ZBTB20: variants seen among roughly 807,000 people sequenced by gnomAD.
ZBTB20 encodes the protein zinc finger and BTB domain containing 20.
ZBTB20 carries 9 observed loss-of-function variants against 56.9 expected under a neutral mutation model. The observed-to-expected ratio is 0.16, with a 90% CI of 0.10 to 0.28. The LOEUF (loss-of-function observed/expected upper bound fraction) is 0.28, where lower values mean the gene tolerates loss of function less well. Ranked by LOEUF, ZBTB20 falls within the 10% of genes least tolerant of loss-of-function variation. The pLI is 1.00. For synonymous variants in ZBTB20, 417 were observed against 420.7 expected, an observed-to-expected ratio of 0.99 and a Z score of 0.11; for missense variants, 655 against 1,003.0, an observed-to-expected ratio of 0.65 and a Z score of 4.69.
chr3:114,757,608 C>T (rs1469867565), intron 5 of ZBTB20, among the ~76,000 whole-genome samples: 1 of 152,092 alleles, frequency 6.6e-6, no homozygotes, highest in African/African-American at 2.4e-5. Flanking sequence ...TTTAAGGAGG[C>T]TGCCTCTTGA....
chr3:115,044,549 A>C (rs2081267850), intron 2 of ZBTB20, among the ~76,000 whole-genome samples: 1 of 152,244 alleles, frequency 6.6e-6, no homozygotes, highest in Admixed American at 6.5e-5. Flanking sequence ...ACTACTTATT[A>C]AAATTTTGCA....
At chr3:114,866,223 T>G (rs1263369942) in intron 4 of ZBTB20, among the ~76,000 whole-genome samples, 1 of 152,220 alleles carries the variant, frequency 6.6e-6, no homozygotes, top group Non-Finnish European at 1.5e-5. Flanking sequence ...TTATTCCATT[T>G]AATTATCATA....
intron 2 of ZBTB20, among the ~76,000 whole-genome samples, chr3:115,066,776 T>A (rs1454683847): frequency 1.3e-5 from 2 of 152,046 alleles, no homozygotes; most frequent in African/African-American, 4.8e-5. Context: ...AAAAGTCTCC[T>A]CTCGGGTTTC....
intron 6 of ZBTB20, among the ~76,000 whole-genome samples, chr3:114,511,986 TTGTTGTGATTTCAAAGA>T (rs2045452998): frequency 1.3e-5 from 2 of 151,964 alleles, no homozygotes; most frequent in South Asian, 4.2e-4. Flanking sequence ...AAAAATAGGG[TTGTTGTGATTTCAAAGA>T]CTCTCCTGCC....
intron 1 of ZBTB20, among the ~76,000 whole-genome samples, chr3:115,120,676 G>A (rs1239059776): frequency 6.6e-6 from 1 of 152,052 alleles, no homozygotes; most frequent in Non-Finnish European, 1.5e-5. Context: ...TTTCAGGTTA[G>A]AAGGTTGTAA....
intron 4 of ZBTB20, among the ~76,000 whole-genome samples, chr3:114,857,348 G>GTA (rs2075299724): frequency 6.6e-6 from 1 of 152,196 alleles, no homozygotes; most frequent in Non-Finnish European, 1.5e-5. Flanking sequence ...TGTGCAGGGT[G>GTA]TATCTGGCAC....
chr3:115,128,971 C>T (rs1002056262), intron 1 of ZBTB20, among the ~76,000 whole-genome samples: 1 of 151,910 alleles, frequency 6.6e-6, no homozygotes, highest in Non-Finnish European at 1.5e-5. Flanking sequence ...TGGTGTCGGG[C>T]GCCTGTAGTC....
chr3:114,920,466 G>A (rs767354481), intron 3 of ZBTB20, among the ~76,000 whole-genome samples: 3 of 152,056 alleles, frequency 2.0e-5, no homozygotes, highest in East Asian at 1.9e-4. Flanking sequence ...TCAATCAAAG[G>A]AGAAATTAAA....
At chr3:114,790,203 G>T (rs1357802409) in intron 5 of ZBTB20, among the ~76,000 whole-genome samples, 1 of 152,062 alleles carries the variant, frequency 6.6e-6, no homozygotes. Context: ...GAGAATTAAA[G>T]AATTTTTAAA....
At chr3:115,020,328 G>T (rs143311501) in intron 2 of ZBTB20, among the ~76,000 whole-genome samples, 2 of 151,274 alleles carry the variant, frequency 1.3e-5, no homozygotes, top group Non-Finnish European at 3.0e-5. Flanking sequence ...CCAACCAACA[G>T]TTTAGCCTCA....
At chr3:114,747,929 A>AAAAAAC (rs2067174620) in intron 5 of ZBTB20, among the ~76,000 whole-genome samples, 1 of 2,090 alleles carries the variant, frequency 4.8e-4, no homozygotes, top group African/African-American at 4.9e-4. Flanking sequence ...AAAAAAAAAA[A>AAAAAAC]AAAAAAAAAA....
At chr3:114,793,884 A>C (rs868329426) in intron 5 of ZBTB20, among the ~76,000 whole-genome samples, 4 of 152,054 alleles carry the variant, frequency 2.6e-5, no homozygotes, top group Non-Finnish European at 4.4e-5. Context: ...GTGAGAATTA[A>C]ATGTGAAGAG....
chr3:114,343,145 A>T (rs2079918686), intron 11 of ZBTB20, among the ~76,000 whole-genome samples: 1 of 143,518 alleles, frequency 7.0e-6, no homozygotes, highest in South Asian at 2.1e-4. Flanking sequence ...TGAAAAGTGA[A>T]AAAAAAAAAA....
intron 4 of ZBTB20, among the ~76,000 whole-genome samples, chr3:114,807,034 T>G (rs1473388360): frequency 6.6e-6 from 1 of 151,958 alleles, no homozygotes; most frequent in African/African-American, 2.4e-5. Context: ...GTTATCTAAT[T>G]TTGTTTTCCT....
At chr3:115,012,239 A>T (rs2108266180) in intron 2 of ZBTB20, among the ~76,000 whole-genome samples, 1 of 151,924 alleles carries the variant, frequency 6.6e-6, no homozygotes, top group East Asian at 1.9e-4. Context: ...AATGTAAATG[A>T]ACTAAACTCT....
At chr3:114,573,398 T>G (rs1234073602) in intron 6 of ZBTB20, among the ~76,000 whole-genome samples, 1 of 149,634 alleles carries the variant, frequency 6.7e-6, no homozygotes, top group African/African-American at 2.5e-5. Flanking sequence ...AGGTGTAGGT[T>G]GCAGTGAGCC....
At chr3:114,532,767 C>G (rs559541307) in intron 6 of ZBTB20, among the ~76,000 whole-genome samples, 2 of 152,304 alleles carry the variant, frequency 1.3e-5, no homozygotes, top group South Asian at 4.2e-4. Context: ...GGGTGCCCCT[C>G]TGGGATGAAG....
chr3:114,501,423 C>G (rs982128469), intron 6 of ZBTB20, among the ~76,000 whole-genome samples: 3 of 151,866 alleles, frequency 2.0e-5, no homozygotes, highest in Non-Finnish European at 4.4e-5. Flanking sequence ...GTCAGGAGTT[C>G]GAGACCAGCC....
At chr3:114,486,137 T>TG (rs1210938471) in intron 7 of ZBTB20, among the ~76,000 whole-genome samples, 73 of 6,204 alleles carry the variant, frequency 0.012, 7 homozygotes, top group South Asian at 0.046. Flanking sequence ...TGTGTGTGTG[T>TG]GGGGGGGGGG....
Sources: gnomAD v4.1 joint callset for allele counts (sites outside exome capture counted in the v4.1 genomes callset) on GRCh38, gnomAD v4.1.1 for gene constraint, MANE v1.5 for transcripts, NCBI Gene and HGNC (gene_info 2026-07-23, HGNC 2026-07-21) for gene names.